SFMBT2: variants seen among roughly 807,000 people sequenced by gnomAD.
SFMBT2 encodes scm-like with four MBT domains protein 2.
In SFMBT2, 38 loss-of-function variants were observed where a neutral mutation model predicts 110.1. The observed-to-expected ratio is 0.35, with a 90% confidence interval of 0.27 to 0.45. The LOEUF (loss-of-function observed/expected upper bound fraction) is 0.45, where lower values mean the gene tolerates loss of function less well. Ranked by LOEUF, SFMBT2 falls within the 20% of genes least tolerant of loss-of-function variation. The probability of loss-of-function intolerance (pLI) is 1.00; values close to 1 mark genes in which losing one functional copy is unlikely to be tolerated. For missense variants in SFMBT2, 1,011 were observed against 1,094.9 expected (o/e 0.92, Z 1.08); for synonymous variants, 425 against 425.4 (o/e 1.00, Z 0.01).
At chr10:7,342,161 C>A (rs1224668200) in intron 4 of SFMBT2, among the ~76,000 whole-genome samples, 1 of 151,094 alleles carries the variant, frequency 6.6e-6, no homozygotes, top group Non-Finnish European at 1.5e-5. Flanking sequence ...CAAATACCAG[C>A]GAATTGGATA....
intron 4 of SFMBT2, among the ~76,000 whole-genome samples, chr10:7,324,054 A>G (rs1488770034): frequency 6.6e-6 from 1 of 152,260 alleles, no homozygotes; most frequent in African/African-American, 2.4e-5. Flanking sequence ...TTTAGTGAAT[A>G]TAGTAGGACT....
rs561453453 is a variant in SFMBT2 at position 7,254,753 on chromosome 10, G to C, written c.871-6104C>G. Among the ~76,000 whole-genome samples, 3 of 152,200 alleles carry C rather than the reference G, an allele frequency of 2.0e-5. No homozygotes were observed. In the South Asian group the frequency reaches 6.2e-4, roughly 32 times the overall value. ...TGAGGCAGAAGAATCGCTTGAACCC[G>C]GGAGGTGGAGGTTGCAGTGAGCAGA... On this transcript the variant is annotated intron_variant, in intron 7 of 20. Coordinates refer to ENST00000397167, the MANE Select transcript of SFMBT2 (RefSeq NM_001387889.1).
At chr10:7,295,253 G>A (rs1336638604) in intron 4 of SFMBT2, 2 of 152,150 alleles carry the variant, frequency 1.3e-5, no homozygotes, top group African/African-American at 2.4e-5. Context: ...CCAGAAATAC[G>A]ACGAACGCTC....
intron 4 of SFMBT2, among the ~76,000 whole-genome samples, chr10:7,357,696 G>A (rs1423966324): frequency 6.6e-6 from 1 of 152,102 alleles, no homozygotes; most frequent in African/African-American, 2.4e-5. Flanking sequence ...ATAATCCTTG[G>A]GAACCATCTA....
intron 10 of SFMBT2, among the ~76,000 whole-genome samples, chr10:7,227,619 C>A (rs989338726): frequency 6.6e-6 from 1 of 152,176 alleles, no homozygotes; most frequent in African/African-American, 2.4e-5. Flanking sequence ...TGGCCATCAC[C>A]TTTTAGCATG....
rs577138528 is a variant in SFMBT2, at chr10:7,239,148, C to T, written c.1120+4410G>A. 3.3e-5 allele frequency among the ~76,000 whole-genome samples: 5 copies of T among 152,262 alleles called. No homozygotes were observed. The East Asian group carries it at 9.7e-4, about 29-fold the overall frequency. ...TTTGCATATATTTCTCCTACACCAC[C>T]GGAAGTCTTTCATTTCAACAGCTGC... is the stretch of plus-strand genomic sequence containing the variant. On this transcript the variant is annotated intron_variant, in intron 9 of 20. Coordinates refer to ENST00000397167, the MANE Select transcript of SFMBT2 (RefSeq NM_001387889.1).
At chr10:7,186,394 C>T (rs560648273) in intron 16 of SFMBT2, among the ~76,000 whole-genome samples, 134 of 150,062 alleles carry the variant, frequency 8.9e-4, no homozygotes, top group South Asian at 1.7e-3. Context: ...CATATATATA[C>T]ATACATATAC....
chr10:7,338,158 G>A (rs1843774210), intron 4 of SFMBT2, among the ~76,000 whole-genome samples: 1 of 152,118 alleles, frequency 6.6e-6, no homozygotes, highest in African/African-American at 2.4e-5. Flanking sequence ...TCCTGCTCTG[G>A]GCTAACCAGT....
chr10:7,308,964 A>T (rs1842770888), intron 4 of SFMBT2, among the ~76,000 whole-genome samples: 1 of 152,218 alleles, frequency 6.6e-6, no homozygotes, highest in African/African-American at 2.4e-5. Context: ...AATGGCTAGA[A>T]AACATGTGAA....
At chr10:7,360,562 A>T (rs572212729) in intron 4 of SFMBT2, among the ~76,000 whole-genome samples, 1 of 152,216 alleles carries the variant, frequency 6.6e-6, no homozygotes, top group Non-Finnish European at 1.5e-5. Context: ...GGAAAAAAAA[A>T]CTATTCATTT....
rs1043227074 is a variant in SFMBT2, at chr10:7,276,870, T to G, written c.870+22A>C. On this transcript the variant is annotated intron_variant, in intron 7 of 20. Transcript: ENST00000397167. ...TTTATTCTCAAAAAGGGTAGATACATTGCTAAGAATCAACATCTTACCTTA... is the reference window on the plus strand; with the variant it reads ...TTTATTCTCAAAAAGGGTAGATACAGTGCTAAGAATCAACATCTTACCTTA... The G allele has an allele frequency of 5.8e-6, 5 of 857,220 alleles. No homozygotes were observed. In the Admixed American group the frequency reaches 6.8e-5, roughly 12 times the overall value. 53.1% of individuals were successfully genotyped at this position (857,220 alleles called of 1,614,324 possible).
intron 7 of SFMBT2, among the ~76,000 whole-genome samples, chr10:7,266,013 G>A (rs560695133): frequency 1.3e-5 from 2 of 152,122 alleles, no homozygotes; most frequent in African/African-American, 4.8e-5. Flanking sequence ...GGGAATCAGT[G>A]CTGAGATCAG....
chr10:7,298,714 C>T (rs952408525), intron 4 of SFMBT2, among the ~76,000 whole-genome samples: 8 of 151,506 alleles, frequency 5.3e-5, no homozygotes, highest in Admixed American at 6.6e-5. Context: ...TGCATATGTG[C>T]GTATGTATGT....
Position 7,283,888 on chromosome 10 carries a change from A to G in SFMBT2, c.772+16T>C. ...TTTCTAAAATACTTTACAGCAGCAAAAGCTTTGGCCCTTACCTGAAGGTGG... is the reference window on the plus strand; with the variant it reads ...TTTCTAAAATACTTTACAGCAGCAAGAGCTTTGGCCCTTACCTGAAGGTGG... On this transcript the variant is annotated intron_variant, in intron 6 of 20. Transcript: ENST00000397167. The G allele has an allele frequency of 6.5e-7, 1 of 1,529,230 alleles. No individual in the cohort carries two copies. Among genetic ancestry groups the G allele is most frequent in the South Asian group, 1.1e-5 (1 of 88,336 alleles). 94.7% of individuals were successfully genotyped at this position (1,529,230 alleles called of 1,614,324 possible).
At chr10:7,320,457 A>G (rs1202891717) in intron 4 of SFMBT2, 1 of 374,350 alleles carries the variant, frequency 2.7e-6, no homozygotes, top group Admixed American at 6.4e-5. Flanking sequence ...ATTGGAAAAA[A>G]TGAGCTTATC....
At position 7,170,366 on chromosome 10, in the gene SFMBT2, C is replaced by T. The variant is rs955113479; in HGVS notation, c.2544+562G>A. ...GGGGTGGCCCAGCAAGACAAAAAACCGTGAGACAGCAGCATCTCTTCTGCA... is the reference window on the plus strand; with the variant it reads ...GGGGTGGCCCAGCAAGACAAAAAACTGTGAGACAGCAGCATCTCTTCTGCA... On this transcript the variant is annotated intron_variant, in intron 20 of 20. Transcript: ENST00000397167. This position sits in a 1 kb window ranked among gnomAD's most constrained non-coding sequence, Gnocchi z 4.6. Among the ~76,000 whole-genome samples, 18 of 152,180 alleles carry T rather than the reference C, an allele frequency of 1.2e-4. No individual in the cohort carries two copies. The highest frequency in any genetic ancestry group is 4.3e-4 in the African/African-American group (18 of 41,438).
intron 4 of SFMBT2, among the ~76,000 whole-genome samples, chr10:7,359,668 T>C (rs1018284308): frequency 6.6e-6 from 1 of 152,216 alleles, no homozygotes. Context: ...TAACTTTACA[T>C]AATCTCATGG....
At chr10:7,296,202 A>G (rs1328261302) in intron 4 of SFMBT2, among the ~76,000 whole-genome samples, 3 of 152,220 alleles carry the variant, frequency 2.0e-5, no homozygotes, top group Non-Finnish European at 4.4e-5. Context: ...CTAGCTGCCA[A>G]TAGCTCACTT....
At chr10:7,302,523 T>C (rs2131884224) in intron 4 of SFMBT2, among the ~76,000 whole-genome samples, 1 of 152,318 alleles carries the variant, frequency 6.6e-6, no homozygotes, top group Non-Finnish European at 1.5e-5. Context: ...TTCCTAAACA[T>C]GACAAGCCAG....
Sources: allele counts gnomAD v4.1 joint callset (sites outside exome capture counted in the v4.1 genomes callset), GRCh38; gene constraint gnomAD v4.1.1; non-coding constraint Gnocchi (gnomAD v3.1); transcripts MANE v1.5; gene names NCBI Gene and HGNC (gene_info 2026-07-23, HGNC 2026-07-21).